Variants in FAM222A observed in about 807,000 individuals in gnomAD.
The protein encoded by FAM222A is protein FAM222A.
A neutral mutation model predicts 25.8 loss-of-function variants in FAM222A; 7 were observed. The observed-to-expected ratio is 0.27, with a 90% CI of 0.15 to 0.51. FAM222A has a LOEUF of 0.51. FAM222A is among the 20% of genes least tolerant of loss of function. The pLI is 0.97. For missense variants in FAM222A, 573 were observed against 640.5 expected (o/e 0.89, Z 1.14); for synonymous variants, 294 against 298.8 (o/e 0.98, Z 0.17).
At position 109,714,237 on chromosome 12, in the gene FAM222A, C is replaced by T. The variant is rs1887593153; in HGVS notation, c.-707C>T. ...CCGCCGCTGCCGCCGCCGCTGTTCG[C>T]CGGCTTCCCCTCCCCCCACACCCGG... On this transcript the variant is annotated 5_prime_UTR_variant, in exon 1 of 3. Coordinates refer to ENST00000538780, the MANE Select transcript of FAM222A (RefSeq NM_032829.3). This position sits in a 1 kb window ranked among gnomAD's most constrained non-coding sequence, Gnocchi z 4.2. 4.9e-6 allele frequency: 1 copy of T among 205,802 alleles called. No individual in the cohort carries two copies. The highest frequency in any genetic ancestry group is 6.0e-5 in the South Asian group (1 of 16,616). The allele number at this position is 205,802 out of a possible 1,614,324, so 12.7% of individuals were successfully genotyped here. A position where few individuals can be genotyped will look rare whatever the true frequency, so the allele number is the denominator to read the frequency against.
rs933800553 is a variant in FAM222A, at chr12:109,743,929, C to T, written c.-46-172C>T. On this transcript the variant is annotated intron_variant, in intron 1 of 2. Coordinates refer to ENST00000538780, the MANE Select transcript of FAM222A (RefSeq NM_032829.3). ...CCCTTCCCATGAGGCCACAGATGGG[C>T]CTCTTGATGCCTCAGGCCTTGGTCC... 1.4e-5 allele frequency: 14 copies of T among 985,310 alleles called. No individual in the cohort carries two copies. In the African/African-American group the frequency reaches 2.4e-4, roughly 17 times the overall value. The allele number at this position is 985,310 out of a possible 1,614,324, so 61.0% of individuals were successfully genotyped here. A position where few individuals can be genotyped will look rare whatever the true frequency, so the allele number is the denominator to read the frequency against.
chr12:109,734,494 A>G (rs61742606), intron 1 of FAM222A: 27,622 of 148,940 alleles, frequency 0.19, 2,718 homozygotes, highest in Middle Eastern at 0.28. Flanking sequence ...ACCCGTCTCC[A>G]CCTCCCCAGC....
At chr12:109,744,481 C>T (rs2136345883) in intron 2 of FAM222A, 1 of 985,472 alleles carries the variant, frequency 1.0e-6, no homozygotes, top group African/African-American at 1.7e-5. Flanking sequence ...CTTCTGACCA[C>T]CACCATCGCC....
chr12:109,727,558 C>G (rs1338771511), intron 1 of FAM222A, among the ~76,000 whole-genome samples: 1 of 152,140 alleles, frequency 6.6e-6, no homozygotes, highest in African/African-American at 2.4e-5. Flanking sequence ...GCCCTGAGCC[C>G]AACACTCCAG....
At chr12:109,729,621 G>T (rs571783718) in intron 1 of FAM222A, among the ~76,000 whole-genome samples, 2 of 152,250 alleles carry the variant, frequency 1.3e-5, no homozygotes, top group Non-Finnish European at 2.9e-5. Context: ...CATAGAAGCC[G>T]CTGCAGCAAC....
intron 2 of FAM222A, among the ~76,000 whole-genome samples, chr12:109,758,203 G>C (rs986519188): frequency 1.3e-5 from 2 of 152,200 alleles, no homozygotes; most frequent in Non-Finnish European, 2.9e-5. Context: ...CTCAGCACAC[G>C]TATGTAGCTT....
At chr12:109,725,891 T>C (rs370230201) in intron 1 of FAM222A, among the ~76,000 whole-genome samples, 1 of 151,886 alleles carries the variant, frequency 6.6e-6, no homozygotes, top group African/African-American at 2.4e-5. Context: ...AACTCCACAG[T>C]GTTCCCGGGC....
At chr12:109,761,610 G>A (rs1888898952) in intron 2 of FAM222A, among the ~76,000 whole-genome samples, 1 of 152,300 alleles carries the variant, frequency 6.6e-6, no homozygotes, top group East Asian at 1.9e-4. Flanking sequence ...TAAGTTACAG[G>A]CATGTGGGAG....
intron 1 of FAM222A, chr12:109,720,044 TG>T (rs1887719655): frequency 2.1e-6 from 2 of 961,554 alleles, no homozygotes; most frequent in African/African-American, 3.5e-5. Flanking sequence ...CATGGGCTTG[TG>T]GGTGGGGTGA....
chr12:109,721,471 A>G (rs939373992), intron 1 of FAM222A, among the ~76,000 whole-genome samples: 9 of 152,132 alleles, frequency 5.9e-5, no homozygotes, highest in Non-Finnish European at 1.0e-4. Flanking sequence ...TTGCCAATCA[A>G]TTGCTGCCCT....
intron 1 of FAM222A, among the ~76,000 whole-genome samples, chr12:109,741,031 G>A (rs1228231233): frequency 6.6e-6 from 1 of 152,220 alleles, no homozygotes; most frequent in East Asian, 1.9e-4. Flanking sequence ...GGGAGATGAG[G>A]TGTGGTGGGC....
chr12:109,748,018 G>C (rs963571181), intron 2 of FAM222A, among the ~76,000 whole-genome samples: 4 of 152,148 alleles, frequency 2.6e-5, no homozygotes, highest in African/African-American at 7.2e-5. Flanking sequence ...CTGGCTTTGG[G>C]GCAGTTAGTT....
rs1376112980 is a variant in FAM222A, at chr12:109,754,681, T to C, written c.82+10453T>C. Among the ~76,000 whole-genome samples, 5 of 148,984 alleles carry C rather than the reference T, an allele frequency of 3.4e-5. No homozygotes were observed. In the East Asian group the frequency reaches 1.0e-3, roughly 30 times the overall value. On this transcript the variant is annotated intron_variant, in intron 2 of 2. Transcript: ENST00000538780. ...GTTTGGGACTCTTTTTTTTTTTTTT[T>C]CTTTGAAACAGGGTCTTGCTCTGTT...
intron 2 of FAM222A, among the ~76,000 whole-genome samples, chr12:109,754,130 C>T (rs1888643006): frequency 6.6e-6 from 1 of 152,214 alleles, no homozygotes; most frequent in Non-Finnish European, 1.5e-5. Context: ...TACAAACAAA[C>T]TTGAGGCTTG....
Position 109,768,949 on chromosome 12 carries a change from C to CGGTGA in FAM222A, c.1021_1022insGTGAG (p.Val341GlyfsTer3). On this transcript the variant is annotated frameshift_variant, in exon 3 of 3. Transcript: ENST00000538780. LOFTEE classifies it high-confidence loss of function. ...GCGTGGGGCTGCCCACCAGCTTCAC[C>CGGTGA]GTAGGCCAGTACTTTGCGGCCCCGT... 1 of 1,574,316 alleles carries CGGTGA rather than the reference C, an allele frequency of 6.4e-7. No individual in the cohort carries two copies. Among genetic ancestry groups the CGGTGA allele is most frequent in the Non-Finnish European group, 8.6e-7 (1 of 1,166,144 alleles).
chr12:109,755,494 A>G (rs1019285977), intron 2 of FAM222A, among the ~76,000 whole-genome samples: 4 of 151,414 alleles, frequency 2.6e-5, no homozygotes, highest in African/African-American at 7.3e-5. Context: ...ATGGCCAGCT[A>G]ATTTTGTATT....
At chr12:109,726,828 C>T (rs538522696) in intron 1 of FAM222A, among the ~76,000 whole-genome samples, 4 of 152,306 alleles carry the variant, frequency 2.6e-5, no homozygotes, top group South Asian at 4.1e-4. Context: ...AGGGGACTCC[C>T]GCCAACCCCC....
intron 1 of FAM222A, chr12:109,743,886 A>T (rs1888313713): frequency 1.0e-6 from 1 of 985,400 alleles, no homozygotes; most frequent in Non-Finnish European, 1.2e-6. Flanking sequence ...GCCCCCACTC[A>T]AGAGCCCTGG....
At chr12:109,728,826 C>T (rs1307018971) in intron 1 of FAM222A, among the ~76,000 whole-genome samples, 1 of 152,240 alleles carries the variant, frequency 6.6e-6, no homozygotes, top group African/African-American at 2.4e-5. Context: ...GACAGGGCTA[C>T]ACATCCAAGG....
Sources: gnomAD v4.1 joint callset for allele counts (sites outside exome capture counted in the v4.1 genomes callset) on GRCh38, gnomAD v4.1.1 for gene constraint, Gnocchi (gnomAD v3.1) non-coding constraint, MANE v1.5 for transcripts, NCBI Gene and HGNC (gene_info 2026-07-23, HGNC 2026-07-21) for gene names.